The following SOAT1 variants were observed in gnomAD, a reference collection of about 807,000 sequenced individuals.
SOAT1 encodes sterol O-acyltransferase 1.
SOAT1 carries 55 observed loss-of-function variants against 69.5 expected under a neutral mutation model. The ratio of observed to expected loss-of-function variants is 0.79; its 90% CI spans 0.64 to 0.99. The LOEUF is 0.99. SOAT1 is among the 50% of genes least tolerant of loss of function. SOAT1 has a pLI of 0.00. For missense variants in SOAT1, 580 were observed against 669.3 expected, an observed-to-expected ratio of 0.87 and a Z score of 1.47; for synonymous variants, 231 against 224.7, an observed-to-expected ratio of 1.03 and a Z score of -0.25.
chr1:179,303,825 G>C (rs1436322221), intron 2 of SOAT1, among the ~76,000 whole-genome samples: 1 of 152,194 alleles, frequency 6.6e-6, no homozygotes, highest in Non-Finnish European at 1.5e-5. Flanking sequence ...TAGGGACTTA[G>C]TGATAACCCA....
intron 2 of SOAT1, among the ~76,000 whole-genome samples, chr1:179,305,312 C>A (rs1323762481): frequency 1.3e-5 from 2 of 152,044 alleles, no homozygotes; most frequent in East Asian, 3.9e-4. Flanking sequence ...AGGGGCTATT[C>A]ACAGGCATGA....
chr1:179,318,086 C>A (rs761926878), intron 2 of SOAT1, among the ~76,000 whole-genome samples: 3 of 151,800 alleles, frequency 2.0e-5, no homozygotes, highest in Non-Finnish European at 4.4e-5. Context: ...TCCCAGCTAG[C>A]GGGGCGGCTG....
intron 4 of SOAT1, among the ~76,000 whole-genome samples, 187 bp downstream of exon 4, chr1:179,335,844 TATAAC>T (rs1322485816): frequency 6.6e-6 from 1 of 152,150 alleles, no homozygotes; most frequent in Non-Finnish European, 1.5e-5. Context: ...ACATATAAAT[TATAAC>T]ATACATGCAT....
chr1:179,329,171 A>AAG (rs1297667772), intron 3 of SOAT1, among the ~76,000 whole-genome samples: 2 of 152,172 alleles, frequency 1.3e-5, no homozygotes, highest in Non-Finnish European at 2.9e-5. Flanking sequence ...ACTGATGAGT[A>AAG]AGAGTCAGGA....
Position 179,335,590 on chromosome 1 carries a change from G to T in SOAT1, c.262G>T (p.Asp88Tyr). 1 of 1,613,904 alleles carries T rather than the reference G, an allele frequency of 6.2e-7. No individual in the cohort carries two copies. The highest frequency in any genetic ancestry group is 8.5e-7 in the Non-Finnish European group (1 of 1,179,776). Residue 88 changes from aspartate (D) to tyrosine (Y), a missense_variant, in exon 4 of 16, where the codon GAT (aspartate) becomes TAT (tyrosine). Transcript: ENST00000367619. ...TCTCATTGAAAAGTCAGCATCATTAGATAATGGTGGGTGCGCTCTCACAAC... is the reference window on the plus strand; with the variant it reads ...TCTCATTGAAAAGTCAGCATCATTATATAATGGTGGGTGCGCTCTCACAAC... ...TNLIEKSASL[D>Y]NGGCALTTFS...
At position 179,343,751 on chromosome 1, in the gene SOAT1, T is replaced by C; in HGVS notation, c.987+116T>C. 1.1e-5 allele frequency: 8 copies of C among 733,610 alleles called. 1 individual carries two copies. In the South Asian group the frequency reaches 1.4e-4, roughly 13 times the overall value. The allele number at this position is 733,610 out of a possible 1,614,324, so 45.4% of individuals were successfully genotyped here. On this transcript the variant is annotated intron_variant, in intron 10 of 15. Transcript: ENST00000367619. ...AGCTAAGAATGCTTTCTGTTGACATTATGCAGTCTTTTAAACTATTTCCAG... is the reference window on the plus strand; with the variant it reads ...AGCTAAGAATGCTTTCTGTTGACATCATGCAGTCTTTTAAACTATTTCCAG...
intron 3 of SOAT1, among the ~76,000 whole-genome samples, chr1:179,333,689 TG>T (rs199931253): frequency 0.022 from 3,322 of 152,242 alleles, 64 homozygotes; most frequent in Middle Eastern, 0.048. Context: ...CAAAATGGGC[TG>T]GGTGTGGTGG....
In SOAT1 at chr1:179,345,027, C is replaced by T. The variant is rs1464323731; in HGVS notation, c.1068C>T (p.Pro356=). 6.2e-7 allele frequency: 1 copy of T among 1,614,074 alleles called. No homozygotes were observed. The highest frequency in any genetic ancestry group is 8.5e-7 in the Non-Finnish European group (1 of 1,179,972). Residue 356 remains proline (P), a synonymous_variant, in exon 11 of 16, where the codon CCC becomes CCT. Coordinates refer to ENST00000367619, the MANE Select transcript of SOAT1 (RefSeq NM_003101.6). ...APLFRNIKQE[P]FSARVLVLCV... ...TGTTTCGGAATATCAAACAGGAGCC[C>T]TTCAGCGCTCGTGTTCTGGTCCTAT...
chr1:179,308,670 CAAAAAAA>C (rs552539528), intron 2 of SOAT1, among the ~76,000 whole-genome samples: 1 of 99,316 alleles, frequency 1.0e-5, no homozygotes, highest in African/African-American at 4.6e-5. Context: ...AGACTCCGTC[CAAAAAAA>C]AAAAAAAAAA....
At chr1:179,323,045 C>CTTTTTTTTTTTT (rs36045111) in intron 2 of SOAT1, among the ~76,000 whole-genome samples, 6 of 126,732 alleles carry the variant, frequency 4.7e-5, no homozygotes, top group Middle Eastern at 4.4e-3. Context: ...TCTTTTCTTT[C>CTTTTTTTTTTTT]TTTTTTTTTT....
At position 179,357,790 on chromosome 1, in the gene SOAT1, C is replaced by G. The variant is rs72717520; in HGVS notation, c.*4149C>G. 4.6e-5 allele frequency: 7 copies of G among 152,060 alleles called. No homozygotes were observed. Among genetic ancestry groups the G allele is most frequent in the African/African-American group, 9.7e-5 (4 of 41,352 alleles). 9.4% of individuals were successfully genotyped at this position (152,060 alleles called of 1,614,324 possible). On this transcript the variant is annotated 3_prime_UTR_variant, in exon 16 of 16. Transcript: ENST00000367619. ...ACGCCTGTAGTCTCAGCTACTCAGTCGGCTGAGGTGGGAAGATGGCTTCAA... is the reference window on the plus strand; with the variant it reads ...ACGCCTGTAGTCTCAGCTACTCAGTGGGCTGAGGTGGGAAGATGGCTTCAA...
chr1:179,298,754 C>T (rs1351356627), intron 1 of SOAT1, among the ~76,000 whole-genome samples: 1 of 152,114 alleles, frequency 6.6e-6, no homozygotes, highest in Non-Finnish European at 1.5e-5. Context: ...TTCATTATCT[C>T]ATGTAATTTA....
At chr1:179,320,564 C>T (rs995217410) in intron 2 of SOAT1, among the ~76,000 whole-genome samples, 3 of 151,852 alleles carry the variant, frequency 2.0e-5, no homozygotes, top group Non-Finnish European at 4.4e-5. Context: ...TGCTTTAAAT[C>T]TATAGAAAAA....
At chr1:179,328,646 T>C (rs1302415095) in intron 3 of SOAT1, among the ~76,000 whole-genome samples, 2 of 152,216 alleles carry the variant, frequency 1.3e-5, no homozygotes, top group African/African-American at 4.8e-5. Flanking sequence ...TAATTGGTAT[T>C]TGTCAAACTT....
intron 6 of SOAT1, 43 bp downstream of exon 6, chr1:179,339,588 A>G (rs1367419339): frequency 7.5e-7 from 1 of 1,328,070 alleles, no homozygotes; most frequent in East Asian, 2.3e-5. Context: ...ATGCATGAGA[A>G]GTTAGAGGTT....
chr1:179,306,688 C>G (rs866111134), intron 2 of SOAT1, among the ~76,000 whole-genome samples: 25 of 151,876 alleles, frequency 1.6e-4, no homozygotes, highest in Non-Finnish European at 2.9e-5. Context: ...AAAAATTAGC[C>G]GGGTGCGGTG....
At chr1:179,353,224 T>A (rs1177870819) in intron 15 of SOAT1, among the ~76,000 whole-genome samples, 2 of 102,860 alleles carry the variant, frequency 1.9e-5, no homozygotes, top group East Asian at 6.0e-4. Context: ...TATATATATA[T>A]CTATTTGTCG....
Position 179,351,438 on chromosome 1 carries a change from A to C in SOAT1, c.1572A>C (p.Ala524=), listed in dbSNP as rs764202148. 21 of 1,613,798 alleles carry C rather than the reference A, an allele frequency of 1.3e-5. No individual in the cohort carries two copies. The South Asian group carries it at 1.9e-4, about 14-fold the overall frequency. Residue 524 remains alanine, a synonymous_variant, in exon 15 of 16, where the codon GCA becomes GCC. Transcript: ENST00000367619. ...LLCFYSQEWY[A]RQHCPLKNPT... ...GCTTTTATTCTCAAGAATGGTATGC[A>C]CGTCAGCACTGTCCTCTGAAAAATG...
At chr1:179,311,579 T>TA (rs1253185604) in intron 2 of SOAT1, among the ~76,000 whole-genome samples, 16 of 121,972 alleles carry the variant, frequency 1.3e-4, no homozygotes, top group Admixed American at 4.0e-4. Flanking sequence ...GGACTGTTTT[T>TA]AAAAAAAAAA....
Sources: allele counts gnomAD v4.1 joint callset (sites outside exome capture counted in the v4.1 genomes callset), GRCh38; gene constraint gnomAD v4.1.1; transcripts MANE v1.5; gene names NCBI Gene and HGNC (gene_info 2026-07-23, HGNC 2026-07-21).